ZBBX: variants seen among roughly 807,000 people sequenced by gnomAD.
ZBBX encodes zinc finger B-box domain containing.
Under a neutral mutation model 108.5 loss-of-function variants are expected in ZBBX, and 101 were observed. The observed-to-expected ratio is 0.93, with a 90% CI of 0.79 to 1.10. The LOEUF (loss-of-function observed/expected upper bound fraction) is 1.10, where lower values mean the gene tolerates loss of function less well. Among genes scored for constraint, ZBBX ranks in the 50% least tolerant of loss-of-function variants. The pLI, the probability that ZBBX is intolerant of heterozygous loss-of-function variation, is 0.00. For synonymous variants in ZBBX, 356 were observed against 323.4 expected (o/e 1.10, Z -1.08); for missense variants, 1,009 against 941.4 (o/e 1.07, Z -0.94).
chr3:167,360,005 C>T, intron 7 of ZBBX, 26 bp from the exon 8 acceptor site: 2 of 1,313,008 alleles, frequency 1.5e-6, no homozygotes, highest in Non-Finnish European at 2.1e-6. Context: ...TAATATTACT[C>T]CAATCATTTA....
intron 1 of ZBBX, among the ~76,000 whole-genome samples, chr3:167,403,142 A>G (rs990716009): frequency 2.0e-5 from 3 of 152,180 alleles, no homozygotes; most frequent in Admixed American, 2.0e-4. Flanking sequence ...GCACATAAGC[A>G]TATAATTGTC....
At chr3:167,385,101 T>C (rs1374817226), upstream of ZBBX, among the ~76,000 whole-genome samples, 1 of 152,096 alleles carries the variant, frequency 6.6e-6, no homozygotes, top group Non-Finnish European at 1.5e-5. Flanking sequence ...TGTCTCTTAA[T>C]GATGAGGATA....
chr3:167,285,059 A>G (rs1729467640), intron 19 of ZBBX, among the ~76,000 whole-genome samples: 1 of 152,144 alleles, frequency 6.6e-6, no homozygotes, highest in African/African-American at 2.4e-5. Context: ...ATAAGAAATT[A>G]TTGGTTAACA....
At chr3:167,343,980 A>G (rs927976818) in intron 9 of ZBBX, among the ~76,000 whole-genome samples, 3 of 151,966 alleles carry the variant, frequency 2.0e-5, no homozygotes, top group African/African-American at 4.8e-5. Flanking sequence ...ATATCCATCA[A>G]ATGATGAATG....
intron 19 of ZBBX, among the ~76,000 whole-genome samples, chr3:167,285,634 G>A (rs1456415067): frequency 1.3e-5 from 2 of 152,082 alleles, no homozygotes; most frequent in East Asian, 3.9e-4. Context: ...TTCAGGAACT[G>A]GATAGTAGAA....
At chr3:167,196,541 G>A in the ZBBX span, among the ~76,000 whole-genome samples, 1 of 152,134 alleles carries the variant, frequency 6.6e-6, no homozygotes, top group Non-Finnish European at 1.5e-5. Flanking sequence ...TTAAGCAGAT[G>A]ATTCTTAAGT....
chr3:167,207,791 C>T, the ZBBX span, among the ~76,000 whole-genome samples: 17 of 152,076 alleles, frequency 1.1e-4, no homozygotes, highest in Non-Finnish European at 1.6e-4. Context: ...ACCAGTCACC[C>T]TCCCCACAGA....
chr3:167,363,559 G>A (rs1744863760), intron 6 of ZBBX, among the ~76,000 whole-genome samples: 1 of 151,886 alleles, frequency 6.6e-6, no homozygotes, highest in Non-Finnish European at 1.5e-5. Flanking sequence ...CCTCTTTAAT[G>A]GACTACCTCT....
intron 9 of ZBBX, among the ~76,000 whole-genome samples, chr3:167,338,769 G>C (rs1740014118): frequency 6.6e-6 from 1 of 152,104 alleles, no homozygotes; most frequent in South Asian, 2.1e-4. Context: ...AAGTGATATA[G>C]AGGTAGAGAG....
intron 20 of ZBBX, among the ~76,000 whole-genome samples, chr3:167,265,837 C>T (rs1408599269): frequency 6.6e-6 from 1 of 152,188 alleles, no homozygotes; most frequent in East Asian, 1.9e-4. Flanking sequence ...ACTGGCTGAG[C>T]CCAGCACAGC....
chr3:167,289,840 A>G (rs539781743), intron 18 of ZBBX, among the ~76,000 whole-genome samples: 1 of 152,204 alleles, frequency 6.6e-6, no homozygotes, highest in East Asian at 1.9e-4. Context: ...CACTGGCTGG[A>G]AAGTCTCACT....
At position 167,328,391 on chromosome 3, in the gene ZBBX, C is replaced by T. The variant is rs578040027; in HGVS notation, c.688-275G>A. ...TAATGACTTATCATTATGCTGTTCACCAGTGTTCTCTCTGTAAAGGTGCAA... is the reference window on the plus strand; with the variant it reads ...TAATGACTTATCATTATGCTGTTCATCAGTGTTCTCTCTGTAAAGGTGCAA... On this transcript the variant is annotated intron_variant, in intron 10 of 21. Coordinates refer to ENST00000675490, the MANE Select transcript of ZBBX (RefSeq NM_001199201.2). Among the ~76,000 whole-genome samples the T allele has an allele frequency of 8.5e-5, 13 of 152,186 alleles. No homozygotes were observed. In the South Asian group the frequency reaches 2.7e-3, roughly 32 times the overall value.
intron 19 of ZBBX, among the ~76,000 whole-genome samples, chr3:167,288,258 G>A (rs897397714): frequency 6.6e-6 from 1 of 152,070 alleles, no homozygotes; most frequent in East Asian, 1.9e-4. Context: ...GATGTTATAT[G>A]CTCTGTATAC....
At chr3:167,272,871 G>C (rs1020224413) in intron 20 of ZBBX, among the ~76,000 whole-genome samples, 1 of 152,172 alleles carries the variant, frequency 6.6e-6, no homozygotes, top group Admixed American at 6.5e-5. Flanking sequence ...CCTCATCAGC[G>C]AGTGGTTGTA....
the ZBBX span, among the ~76,000 whole-genome samples, chr3:167,191,936 G>GT: frequency 2.1e-5 from 1 of 47,116 alleles, no homozygotes; most frequent in Non-Finnish European, 4.3e-5. Flanking sequence ...TATATATATA[G>GT]AGCAAGTTAT....
At chr3:167,374,772 G>A (rs1320921179) in intron 2 of ZBBX, among the ~76,000 whole-genome samples, 1 of 152,038 alleles carries the variant, frequency 6.6e-6, no homozygotes, top group Non-Finnish European at 1.5e-5. Context: ...TTATACATGT[G>A]ATAATATAGG....
chr3:167,322,938 A>T (rs1359415825), intron 11 of ZBBX, among the ~76,000 whole-genome samples: 1 of 152,098 alleles, frequency 6.6e-6, no homozygotes, highest in Non-Finnish European at 1.5e-5. Flanking sequence ...CTAAGGCTAG[A>T]GGGTGTCCCA....
At chr3:167,180,152 C>T in the ZBBX span, among the ~76,000 whole-genome samples, 1 of 152,192 alleles carries the variant, frequency 6.6e-6, no homozygotes, top group Non-Finnish European at 1.5e-5. Context: ...AAGAGCAAAT[C>T]TAGAGTCTTC....
At chr3:167,200,364 G>A in the ZBBX span, among the ~76,000 whole-genome samples, 2 of 152,070 alleles carry the variant, frequency 1.3e-5, no homozygotes, top group Admixed American at 1.3e-4. Flanking sequence ...ATTTAACTAG[G>A]TGTCAGGTAT....
Sources: allele counts gnomAD v4.1 joint callset (sites outside exome capture counted in the v4.1 genomes callset), GRCh38; gene constraint gnomAD v4.1.1; transcripts MANE v1.5; gene names NCBI Gene and HGNC (gene_info 2026-07-23, HGNC 2026-07-21).